Variants in TMEM163 observed in about 807,000 individuals in gnomAD.
TMEM163 encodes the protein transmembrane protein 163.
A neutral mutation model predicts 29.3 loss-of-function variants in TMEM163; 17 were observed. The ratio of observed to expected loss-of-function variants is 0.58; its 90% CI spans 0.40 to 0.87. The LOEUF is 0.87. Ranked by LOEUF, TMEM163 falls within the 40% of genes least tolerant of loss-of-function variation. The pLI is 0.00. For missense variants in TMEM163, 303 were observed against 381.5 expected (o/e 0.79, Z 1.71); for synonymous variants, 157 against 160.6 (o/e 0.98, Z 0.17).
chr2:134,705,424 G>A (rs1684787630), intron 2 of TMEM163, among the ~76,000 whole-genome samples: 1 of 152,048 alleles, frequency 6.6e-6, no homozygotes. Context: ...GGGAGAAGAC[G>A]GCGATCTATG....
intron 2 of TMEM163, among the ~76,000 whole-genome samples, chr2:134,631,469 T>C (rs1682968609): frequency 1.3e-5 from 2 of 152,312 alleles, no homozygotes; most frequent in African/African-American, 4.8e-5. Flanking sequence ...AAGTAGTGAC[T>C]ACTTCAAGAC....
intron 2 of TMEM163, among the ~76,000 whole-genome samples, chr2:134,554,728 T>C (rs1681011990): frequency 6.6e-6 from 1 of 152,176 alleles, no homozygotes; most frequent in South Asian, 2.1e-4. Flanking sequence ...CCCGACTCAA[T>C]TGGAGTGTTG....
At chr2:134,697,921 G>C (rs1228488406) in intron 2 of TMEM163, among the ~76,000 whole-genome samples, 1 of 152,142 alleles carries the variant, frequency 6.6e-6, no homozygotes. Context: ...CACAGTAGTA[G>C]TAGTCCCAAA....
chr2:134,591,871 C>A lies in TMEM163; in HGVS notation c.323-39780G>T, dbSNP rs180945659. 1.2e-4 allele frequency among the ~76,000 whole-genome samples: 18 copies of A among 148,564 alleles called. No individual in the cohort carries two copies. In the East Asian group the frequency reaches 3.5e-3, roughly 29 times the overall value. On this transcript the variant is annotated intron_variant, in intron 2 of 7. Coordinates refer to ENST00000281924, the MANE Select transcript of TMEM163 (RefSeq NM_030923.5). ...AGCAATCACAGCCTATGAATGTGCA[C>A]ATGAGGCAGTCATTCAGACACACAG...
chr2:134,545,828 A>C (rs1680769752), intron 4 of TMEM163, among the ~76,000 whole-genome samples: 2 of 152,136 alleles, frequency 1.3e-5, no homozygotes, highest in South Asian at 4.1e-4. Context: ...CCACGCCAAC[A>C]ATTACTGACC....
At chr2:134,666,767 A>C (rs1683880772) in intron 2 of TMEM163, among the ~76,000 whole-genome samples, 1 of 152,228 alleles carries the variant, frequency 6.6e-6, no homozygotes, top group African/African-American at 2.4e-5. Flanking sequence ...GGAGATCGTA[A>C]TAGTGTCTGC....
At chr2:134,697,647 T>A (rs1445729498) in intron 2 of TMEM163, among the ~76,000 whole-genome samples, 1 of 152,084 alleles carries the variant, frequency 6.6e-6, no homozygotes, top group Non-Finnish European at 1.5e-5. Context: ...ACATTTTTAG[T>A]AGAGACGGGG....
chr2:134,686,394 G>A (rs1220665193), intron 2 of TMEM163, among the ~76,000 whole-genome samples: 1 of 152,202 alleles, frequency 6.6e-6, no homozygotes, highest in East Asian at 1.9e-4. Context: ...TATTAAAGCA[G>A]GATGGTGGTG....
In TMEM163 at chr2:134,603,519, C is replaced by T. The variant is rs562436262; in HGVS notation, c.323-51428G>A. On this transcript the variant is annotated intron_variant, in intron 2 of 7. Coordinates refer to ENST00000281924, the MANE Select transcript of TMEM163 (RefSeq NM_030923.5). ...GAGATAACAAGACACACACCCACTA[C>T]TGTGGCACCTTCTGAACACCACTAG... Among the ~76,000 whole-genome samples the T allele has an allele frequency of 1.2e-4, 18 of 152,324 alleles. No homozygotes were observed. In the East Asian group the frequency reaches 3.5e-3, roughly 29 times the overall value.
intron 2 of TMEM163, among the ~76,000 whole-genome samples, chr2:134,596,447 GCT>G (rs1370866597): frequency 3.3e-5 from 5 of 152,030 alleles, no homozygotes; most frequent in Non-Finnish European, 7.4e-5. Flanking sequence ...ATTTCTGAGG[GCT>G]CTGTTCTGTT....
At chr2:134,610,133 C>T (rs954003197) in intron 2 of TMEM163, among the ~76,000 whole-genome samples, 11 of 152,206 alleles carry the variant, frequency 7.2e-5, no homozygotes, top group African/African-American at 2.7e-4. Flanking sequence ...CCTCTTCTGA[C>T]AAGGGTTGAG....
intron 5 of TMEM163, among the ~76,000 whole-genome samples, chr2:134,491,449 G>C (rs1679428235): frequency 6.6e-6 from 1 of 152,004 alleles, no homozygotes; most frequent in African/African-American, 2.4e-5. Flanking sequence ...GAGTCTCGGG[G>C]CCGTATTTCC....
At chr2:134,647,056 G>A (rs1683350496) in intron 2 of TMEM163, among the ~76,000 whole-genome samples, 1 of 152,116 alleles carries the variant, frequency 6.6e-6, no homozygotes, top group Non-Finnish European at 1.5e-5. Flanking sequence ...AAGAAGACAG[G>A]CTCGGGAAAT....
chr2:134,484,698 G>A (rs556501484), intron 5 of TMEM163, among the ~76,000 whole-genome samples: 2 of 152,242 alleles, frequency 1.3e-5, no homozygotes, highest in South Asian at 4.2e-4. Context: ...GAATAACAAT[G>A]ACAACAATAA....
At chr2:134,641,334 C>G (rs1289508259) in intron 2 of TMEM163, among the ~76,000 whole-genome samples, 1 of 152,118 alleles carries the variant, frequency 6.6e-6, no homozygotes, top group Non-Finnish European at 1.5e-5. Flanking sequence ...TATACAAATA[C>G]TAACTAGAAA....
intron 2 of TMEM163, among the ~76,000 whole-genome samples, chr2:134,600,325 A>G (rs1682198604): frequency 6.6e-6 from 1 of 152,176 alleles, no homozygotes; most frequent in Non-Finnish European, 1.5e-5. Flanking sequence ...CCAACAGGAT[A>G]ATGACCCAAC....
At chr2:134,600,391 G>A (rs1682200742) in intron 2 of TMEM163, among the ~76,000 whole-genome samples, 1 of 152,144 alleles carries the variant, frequency 6.6e-6, no homozygotes, top group Non-Finnish European at 1.5e-5. Flanking sequence ...TAATACCTGA[G>A]GGCCTATTAC....
chr2:134,601,275 T>C (rs183433436), intron 2 of TMEM163, among the ~76,000 whole-genome samples: 1 of 152,258 alleles, frequency 6.6e-6, no homozygotes, highest in Admixed American at 6.5e-5. Context: ...ACTTCATCTG[T>C]TCTAGCTAAA....
chr2:134,555,451 C>G (rs1031800932), intron 2 of TMEM163, among the ~76,000 whole-genome samples: 64 of 152,312 alleles, frequency 4.2e-4, no homozygotes, highest in African/African-American at 1.5e-3. Context: ...ACAGGGCCAA[C>G]AAAGGCCTCA....
Sources: allele counts gnomAD v4.1 joint callset (sites outside exome capture counted in the v4.1 genomes callset), GRCh38; gene constraint gnomAD v4.1.1; transcripts MANE v1.5; gene names NCBI Gene and HGNC (gene_info 2026-07-23, HGNC 2026-07-21).